The following RGL1 variants were observed in gnomAD, a reference collection of about 807,000 sequenced individuals.
The protein encoded by RGL1 is ral guanine nucleotide dissociation stimulator-like 1.
In RGL1, 24 loss-of-function variants were observed where a neutral mutation model predicts 95.2. That is an observed-to-expected ratio of 0.25 (90% CI 0.18 to 0.35). The LOEUF (loss-of-function observed/expected upper bound fraction) is 0.35. Among genes scored for constraint, RGL1 ranks in the 10% least tolerant of loss-of-function variants. RGL1 has a pLI of 1.00. For synonymous variants in RGL1, 329 were observed against 344.9 expected, an observed-to-expected ratio of 0.95 and a Z score of 0.51; for missense variants, 715 against 936.3, an observed-to-expected ratio of 0.76 and a Z score of 3.08.
In RGL1 at chr1:183,915,327, G is replaced by A. The variant is rs544941713; in HGVS notation, c.1750-1120G>A. On this transcript the variant is annotated intron_variant, in intron 15 of 17. Coordinates refer to ENST00000360851, the MANE Select transcript of RGL1 (RefSeq NM_001297671.3). ...GGTATAATTTAGCTTAAGTCATTCC[G>A]GGAAATTCTTTATAATTTTCTACAA... Among the ~76,000 whole-genome samples the A allele has an allele frequency of 3.3e-5, 5 of 152,232 alleles. No individual in the cohort carries two copies. The South Asian group carries it at 6.2e-4, about 19-fold the overall frequency.
chr1:183,908,273 AC>A (rs1187374683), intron 14 of RGL1, among the ~76,000 whole-genome samples: 1 of 152,112 alleles, frequency 6.6e-6, no homozygotes, highest in East Asian at 1.9e-4. Context: ...ATGGCACATG[AC>A]CTTGAGTGTT....
At chr1:183,755,869 T>C (rs1189076723) in intron 2 of RGL1, among the ~76,000 whole-genome samples, 1 of 151,740 alleles carries the variant, frequency 6.6e-6, no homozygotes, top group Non-Finnish European at 1.5e-5. Flanking sequence ...ACTGAGCTGA[T>C]AGTTGAGTTC....
chr1:183,696,104 C>T (rs1025238323), intron 1 of RGL1, among the ~76,000 whole-genome samples: 1 of 152,182 alleles, frequency 6.6e-6, no homozygotes, highest in African/African-American at 2.4e-5. Context: ...TCTGAAACAG[C>T]ATTTGTCAAG....
intron 1 of RGL1, among the ~76,000 whole-genome samples, chr1:183,739,972 G>A (rs982037816): frequency 6.6e-5 from 10 of 152,292 alleles, no homozygotes; most frequent in East Asian, 5.8e-4. Flanking sequence ...ATGAGATTTT[G>A]TACTTTGTCT....
At position 183,785,989 on chromosome 1, in the gene RGL1, G is replaced by T. The variant is rs112085799; in HGVS notation, c.133-20386G>T. On this transcript the variant is annotated intron_variant, in intron 2 of 18. Transcript: ENST00000304685. Reference sequence around the variant, plus strand: ...GCTACTTGGGAGGTTAAGGCAGGAGGATCGCTTGAGCCCAGGAGTTTGATG... The same window carrying T: ...GCTACTTGGGAGGTTAAGGCAGGAGTATCGCTTGAGCCCAGGAGTTTGATG... Among the ~76,000 whole-genome samples the T allele has an allele frequency of 6.5e-3, 990 of 151,902 alleles. 15 individuals are homozygous for T. The highest frequency in any genetic ancestry group is 0.023 in the African/African-American group (960 of 41,380).
chr1:183,859,925 G>C (rs796609148), intron 3 of RGL1, among the ~76,000 whole-genome samples: 2 of 152,174 alleles, frequency 1.3e-5, no homozygotes, highest in African/African-American at 4.8e-5. Flanking sequence ...ATATTATTCA[G>C]AGTAATTAAA....
rs1656203192 is a variant in RGL1 at position 183,724,577 on chromosome 1, C to G, written c.-32-17549C>G. Among the ~76,000 whole-genome samples the G allele has an allele frequency of 6.6e-6, 1 of 152,100 alleles. No homozygotes were observed. Among genetic ancestry groups the G allele is most frequent in the South Asian group, 2.1e-4 (1 of 4,830 alleles). ...GTGGTCACCATGAAGAGAGACTCCT[C>G]TGCTTGTGGAAGGGGGAGGGAGGAG... On this transcript the variant is annotated intron_variant, in intron 1 of 18. Coordinates refer to the RGL1 transcript ENST00000304685. The surrounding 1 kb of genome is among the most constrained non-coding windows in gnomAD (Gnocchi z 4.1).
chr1:183,711,158 T>C (rs375877038), intron 1 of RGL1, among the ~76,000 whole-genome samples: 13 of 152,134 alleles, frequency 8.5e-5, no homozygotes, highest in African/African-American at 3.1e-4. Flanking sequence ...CCCTTTGCAG[T>C]GTGCACTCAG....
At chr1:183,836,847 A>G (rs1033448973) in intron 2 of RGL1, among the ~76,000 whole-genome samples, 1 of 152,158 alleles carries the variant, frequency 6.6e-6, no homozygotes, top group South Asian at 2.1e-4. Flanking sequence ...TAAATATTTC[A>G]TTTTGGAGGG....
chr1:183,722,930 A>G (rs1296851196), intron 1 of RGL1, among the ~76,000 whole-genome samples: 1 of 152,234 alleles, frequency 6.6e-6, no homozygotes, highest in African/African-American at 2.4e-5. Flanking sequence ...TTCATCATTT[A>G]AAAAATTTTA....
At chr1:183,861,488 A>G (rs1400243908) in intron 3 of RGL1, among the ~76,000 whole-genome samples, 1 of 152,264 alleles carries the variant, frequency 6.6e-6, no homozygotes. Flanking sequence ...TTAAATATTT[A>G]GCAACCAGTT....
chr1:183,912,693 T>C (rs938684633), intron 15 of RGL1, among the ~76,000 whole-genome samples: 48 of 152,206 alleles, frequency 3.2e-4, no homozygotes, highest in African/African-American at 1.1e-3. Context: ...ATCTCTCTTA[T>C]GTATCTGCTG....
intron 2 of RGL1, among the ~76,000 whole-genome samples, chr1:183,843,799 TA>T (rs1033274519): frequency 2.7e-5 from 4 of 150,062 alleles, no homozygotes; most frequent in Admixed American, 6.7e-5. Context: ...TGTTAATATT[TA>T]ACATTGAAGT....
chr1:183,839,218 A>T (rs1172709797), intron 2 of RGL1, among the ~76,000 whole-genome samples: 1 of 152,172 alleles, frequency 6.6e-6, no homozygotes, highest in South Asian at 2.1e-4. Flanking sequence ...TAATTTCTAC[A>T]TATTTCCATC....
chr1:183,898,690 T>A (rs1667843681), intron 10 of RGL1, among the ~76,000 whole-genome samples: 1 of 152,222 alleles, frequency 6.6e-6, no homozygotes, highest in Non-Finnish European at 1.5e-5. Context: ...TTTTTGGTTG[T>A]TCAAAGACAA....
upstream of RGL1, among the ~76,000 whole-genome samples, chr1:183,800,327 T>A (rs916417399): frequency 6.6e-6 from 1 of 152,202 alleles, no homozygotes; most frequent in Non-Finnish European, 1.5e-5. Context: ...TATTAAAGAA[T>A]CAGCACACCA....
intron 1 of RGL1, among the ~76,000 whole-genome samples, chr1:183,650,725 G>A (rs1553266261): frequency 8.3e-6 from 1 of 120,196 alleles, no homozygotes; most frequent in South Asian, 2.6e-4. Flanking sequence ...TTTTTTTTTA[G>A]AATAGATTAC....
At chr1:183,883,668 G>T (rs1201167503) in intron 5 of RGL1, 118 bp from the exon 6 acceptor site, 4 of 1,082,538 alleles carry the variant, frequency 3.7e-6, no homozygotes, top group African/African-American at 3.1e-5. Flanking sequence ...TTGTCTCCCT[G>T]TGGCTGTTCT....
intron 1 of RGL1, among the ~76,000 whole-genome samples, chr1:183,689,222 C>T (rs1271527854): frequency 6.6e-6 from 1 of 152,068 alleles, no homozygotes; most frequent in Non-Finnish European, 1.5e-5. Flanking sequence ...CTAGGCAGTG[C>T]ATCTTAGTAA....
Sources: allele counts gnomAD v4.1 joint callset (sites outside exome capture counted in the v4.1 genomes callset), GRCh38; gene constraint gnomAD v4.1.1; non-coding constraint Gnocchi (gnomAD v3.1); transcripts MANE v1.5; gene names NCBI Gene and HGNC (gene_info 2026-07-23, HGNC 2026-07-21).